MGMT: variants seen among roughly 807,000 people sequenced by gnomAD.
MGMT encodes the protein O-6-methylguanine-DNA methyltransferase.
A neutral mutation model predicts 15.9 loss-of-function variants in MGMT; 14 were observed. The ratio of observed to expected loss-of-function variants is 0.88; its 90% CI spans 0.58 to 1.37. The LOEUF is 1.37. Ranked by LOEUF, MGMT falls within the 40% of genes most tolerant of loss-of-function variation. MGMT has a pLI of 0.00. For missense variants in MGMT, 282 were observed against 268.1 expected (o/e 1.05, Z -0.36); for synonymous variants, 130 against 118.2 (o/e 1.10, Z -0.65).
At chr10:129,716,555 G>A (rs370980252) in intron 3 of MGMT, among the ~76,000 whole-genome samples, 12 of 152,274 alleles carry the variant, frequency 7.9e-5, no homozygotes, top group African/African-American at 1.2e-4. Flanking sequence ...CCTAGCAACC[G>A]AGCTCAAGAG....
chr10:129,730,163 ATACT>A (rs1450910005), intron 3 of MGMT, among the ~76,000 whole-genome samples: 4 of 152,190 alleles, frequency 2.6e-5, no homozygotes, highest in African/African-American at 2.4e-5. Flanking sequence ...GGCAGCCTAC[ATACT>A]TAGGTTCTTT....
At chr10:129,759,122 T>G in intron 3 of MGMT, 80 bp from the exon 4 acceptor site, 1 of 1,546,642 alleles carries the variant, frequency 6.5e-7, no homozygotes, top group Non-Finnish European at 8.9e-7. Context: ...GCGTTTCCTG[T>G]TTTGGGACTA....
intron 2 of MGMT, among the ~76,000 whole-genome samples, chr10:129,612,459 A>T (rs1383928420): frequency 6.6e-6 from 1 of 152,178 alleles, no homozygotes; most frequent in Non-Finnish European, 1.5e-5. Flanking sequence ...AGAATTTTAT[A>T]TTTGGTTTAC....
At chr10:129,585,862 G>C (rs1305286217) in intron 2 of MGMT, among the ~76,000 whole-genome samples, 11 of 152,204 alleles carry the variant, frequency 7.2e-5, no homozygotes, top group East Asian at 3.9e-4. Flanking sequence ...GCAGTCTATG[G>C]AACCATTATA....
chr10:129,631,414 C>T (rs1847208311), intron 2 of MGMT, among the ~76,000 whole-genome samples: 1 of 152,184 alleles, frequency 6.6e-6, no homozygotes, highest in Non-Finnish European at 1.5e-5. Context: ...GGAAATCATA[C>T]TGTTTCAGGG....
chr10:129,627,083 G>T (rs570203749), intron 2 of MGMT, among the ~76,000 whole-genome samples: 7 of 152,212 alleles, frequency 4.6e-5, no homozygotes, highest in Non-Finnish European at 4.4e-5. Flanking sequence ...AAGAAGAAAA[G>T]CTGTGGGCCG....
chr10:129,470,124 A>G (rs537289172), intron 1 of MGMT, among the ~76,000 whole-genome samples: 1 of 152,320 alleles, frequency 6.6e-6, no homozygotes, highest in East Asian at 1.9e-4. Context: ...CATGATGCAC[A>G]AGCCAGCCCT....
At chr10:129,652,898 A>G (rs917233696) in intron 2 of MGMT, among the ~76,000 whole-genome samples, 1 of 152,222 alleles carries the variant, frequency 6.6e-6, no homozygotes, top group Non-Finnish European at 1.5e-5. Context: ...TCCTCCTGGT[A>G]GGATGCATGA....
intron 3 of MGMT, among the ~76,000 whole-genome samples, chr10:129,742,573 C>G (rs1425919397): frequency 6.9e-6 from 1 of 143,922 alleles, no homozygotes; most frequent in South Asian, 2.3e-4. Context: ...GAGCCAGGTC[C>G]TCAGGGCTGG....
chr10:129,684,860 TA>T (rs1847888274), intron 2 of MGMT, among the ~76,000 whole-genome samples: 2 of 152,234 alleles, frequency 1.3e-5, no homozygotes, highest in Non-Finnish European at 2.9e-5. Flanking sequence ...CCTGGATTTG[TA>T]AAAATTGCAG....
chr10:129,727,860 T>C (rs559545158), intron 3 of MGMT, among the ~76,000 whole-genome samples: 44 of 152,288 alleles, frequency 2.9e-4, no homozygotes, highest in African/African-American at 1.0e-3. Flanking sequence ...GAGGTAGCAT[T>C]TGCACCAGAC....
chr10:129,587,917 A>C (rs1191076001), intron 2 of MGMT, among the ~76,000 whole-genome samples: 1 of 152,080 alleles, frequency 6.6e-6, no homozygotes, highest in Non-Finnish European at 1.5e-5. Context: ...GATGCTTTAT[A>C]TGCAAATGTT....
At chr10:129,610,609 T>G (rs1846948951) in intron 2 of MGMT, among the ~76,000 whole-genome samples, 1 of 152,258 alleles carries the variant, frequency 6.6e-6, no homozygotes, top group East Asian at 1.9e-4. Flanking sequence ...CAACCATGGC[T>G]CTCAGGCTGG....
chr10:129,770,755 G>GA lies in MGMT; in HGVS notation c.*3761dup, dbSNP rs1202932039. 6.6e-5 allele frequency among the ~76,000 whole-genome samples: 10 copies of GA among 152,200 alleles called. No homozygotes were observed. Among genetic ancestry groups the GA allele is most frequent in the Non-Finnish European group, 8.8e-5 (6 of 68,046 alleles). On this transcript the variant is annotated 3_prime_UTR_variant, in exon 5 of 5. Transcript: ENST00000651593. ...AAGATTTTACTGAAAGACCAATCCC[G>GA]AAACGGCCCTTGCTTCGGCCACAGC...
chr10:129,760,544 GC>G (rs1332391655), intron 4 of MGMT, among the ~76,000 whole-genome samples: 1 of 152,174 alleles, frequency 6.6e-6, no homozygotes, highest in East Asian at 1.9e-4. Flanking sequence ...TTATATCCCT[GC>G]TCACAGGGGA....
chr10:129,626,907 C>T (rs534355932), intron 2 of MGMT, among the ~76,000 whole-genome samples: 2 of 152,306 alleles, frequency 1.3e-5, no homozygotes, highest in African/African-American at 2.4e-5. Flanking sequence ...TCATCTGAGT[C>T]GGTAGCAGAG....
Position 129,770,311 on chromosome 10 carries a change from G to A in MGMT, c.*3314G>A, listed in dbSNP as rs1227706324. On this transcript the variant is annotated 3_prime_UTR_variant, in exon 5 of 5. Transcript: ENST00000651593. ...GAATTGCTGAGAAACGTAAGAGGTG[G>A]TGTGACCCGCTGGAGCCCTGTGGAG... is the stretch of plus-strand genomic sequence containing the variant. Among the ~76,000 whole-genome samples, 1 of 152,238 alleles carries A rather than the reference G, an allele frequency of 6.6e-6. No individual in the cohort carries two copies. The highest frequency in any genetic ancestry group is 1.5e-5 in the Non-Finnish European group (1 of 68,048).
intron 2 of MGMT, among the ~76,000 whole-genome samples, chr10:129,542,109 G>A (rs1589857890): frequency 6.6e-6 from 1 of 152,186 alleles, no homozygotes; most frequent in Non-Finnish European, 1.5e-5. Context: ...CTCGAAACGT[G>A]CCCCATGGAA....
chr10:129,615,757 A>G (rs1847017774), intron 2 of MGMT, among the ~76,000 whole-genome samples: 2 of 152,136 alleles, frequency 1.3e-5, no homozygotes, highest in Admixed American at 6.5e-5. Context: ...CTGTGAGAAC[A>G]TGGCCTGGGC....
Sources: gnomAD v4.1 joint callset for allele counts (sites outside exome capture counted in the v4.1 genomes callset) on GRCh38, gnomAD v4.1.1 for gene constraint, MANE v1.5 for transcripts, NCBI Gene and HGNC (gene_info 2026-07-23, HGNC 2026-07-21) for gene names.